The following PLSCR5 variants were observed in gnomAD, a reference collection of about 807,000 sequenced individuals.
PLSCR5 encodes phospholipid scramblase family member 5.
PLSCR5 carries 44 observed loss-of-function variants against 33.6 expected under a neutral mutation model. The ratio of observed to expected loss-of-function variants is 1.31; its 90% confidence interval spans 1.03 to 1.69. The LOEUF (loss-of-function observed/expected upper bound fraction) is 1.69, where lower values mean the gene tolerates loss of function less well. Ranked by LOEUF, PLSCR5 falls within the 40% of genes most tolerant of loss-of-function variation. The pLI, the probability that PLSCR5 is intolerant of heterozygous loss-of-function variation, is 0.00. For synonymous variants in PLSCR5, 148 were observed against 112.3 expected (o/e 1.32, Z -2.01); for missense variants, 375 against 318.7 (o/e 1.18, Z -1.34).
Position 146,595,036 on chromosome 3 carries a change from C to G in PLSCR5, c.232+5G>C, listed in dbSNP as rs1468569490. On this transcript the variant is annotated splice_donor_5th_base_variant and intron_variant, in intron 3 of 7. Transcript: ENST00000443512. ...ATAAATATGTAATATATATAATGCA[C>G]TTACTTCCAAGCAGCTCCACCTGCT... 2.8e-6 allele frequency: 4 copies of G among 1,420,356 alleles called. No homozygotes were observed. The highest frequency in any genetic ancestry group is 4.9e-5 in the Admixed American group (2 of 41,178). The allele number at this position is 1,420,356 out of a possible 1,614,324, so 88.0% of individuals were successfully genotyped here.
chr3:146,589,800 A>G lies in PLSCR5; in HGVS notation c.630T>C (p.Asn210=). ...AAATCTTCCCAATTGTAAGCTTTTC[A>G]TTAATGGTTTTCACCTTTAGAAAGA... ...GDVDFEVKTI[N]EKLTIGKISK... The change falls in exon 6 of 8, where the codon AAT becomes AAC. Residue 210 remains asparagine, a synonymous_variant. Coordinates refer to ENST00000443512, the MANE Select transcript of PLSCR5 (RefSeq NM_001085420.2). 1 of 1,546,076 alleles carries G rather than the reference A, an allele frequency of 6.5e-7. No homozygotes were observed. The highest frequency in any genetic ancestry group is 8.8e-7 in the Non-Finnish European group (1 of 1,133,082).
intron 1 of PLSCR5, among the ~76,000 whole-genome samples, chr3:146,600,738 G>A (rs1240253038): frequency 6.7e-6 from 1 of 150,370 alleles, no homozygotes; most frequent in Non-Finnish European, 1.5e-5. Context: ...ATGTGTATAT[G>A]TATCTGTATA....
downstream of PLSCR5, among the ~76,000 whole-genome samples, chr3:146,583,827 G>T (rs2044649127): frequency 6.6e-6 from 1 of 152,086 alleles, no homozygotes; most frequent in Admixed American, 6.5e-5. Context: ...AGTCTCCAAA[G>T]CAGTTTATCA....
chr3:146,595,244 A>G (rs1240763414), intron 2 of PLSCR5, among the ~76,000 whole-genome samples, 161 bp from the exon 3 acceptor site: 1 of 151,294 alleles, frequency 6.6e-6, no homozygotes, highest in African/African-American at 2.5e-5. Context: ...TACAATGCAA[A>G]AGAACGTAAT....
Position 146,593,979 on chromosome 3 carries a change from T to A in PLSCR5, c.394A>T (p.Ile132Phe), listed in dbSNP as rs369837994. The A allele has an allele frequency of 2.4e-5, 39 of 1,613,748 alleles. No individual in the cohort carries two copies. The highest frequency in any genetic ancestry group is 3.2e-5 in the Non-Finnish European group (38 of 1,179,818). Reference protein sequence around the residue: ...RITDNSGREVITVNRPLRCNS... With the variant: ...RITDNSGREVFTVNRPLRCNS... ...CATCTCAAGGGCCTGTTCACTGTAA[T>A]GACCTCTCGACCTGAGTTATCTGTG... Residue 132 changes from isoleucine to phenylalanine, a missense_variant, in exon 4 of 8, where the codon ATT becomes TTT. Physicochemically the swap from Ile to Phe is conservative, Grantham distance 21. Coordinates refer to ENST00000443512, the MANE Select transcript of PLSCR5 (RefSeq NM_001085420.2).
At chr3:146,594,709 C>T (rs62275363) in intron 3 of PLSCR5, among the ~76,000 whole-genome samples, 1 of 152,062 alleles carries the variant, frequency 6.6e-6, no homozygotes, top group Non-Finnish European at 1.5e-5. Context: ...AAAACCTTGA[C>T]TTCCATTTTT....
chr3:146,586,009 T>C (rs2044662994), intron 7 of PLSCR5, 21 bp downstream of exon 7: 9 of 1,417,062 alleles, frequency 6.4e-6, no homozygotes, highest in Non-Finnish European at 8.4e-6. Context: ...AAGAGATCAT[T>C]TAAACTTGCT....
rs1293996093 is a variant in PLSCR5 at position 146,586,128 on chromosome 3, C to T, written c.778-16G>A. 6.8e-7 allele frequency: 1 copy of T among 1,470,186 alleles called. No individual in the cohort carries two copies. The allele number at this position is 1,470,186 out of a possible 1,614,324, so 91.1% of individuals were successfully genotyped here. On this transcript the variant is annotated splice_polypyrimidine_tract_variant and intron_variant, in intron 6 of 7. Transcript: ENST00000443512. ...ACATAAAATCCTACAAATAAGTAAA[C>T]TGAATATAAGTGAATTTACAAAAAG... is the stretch of plus-strand genomic sequence containing the variant.
chr3:146,591,851 C>A lies in PLSCR5; in HGVS notation c.484G>T (p.Val162Phe), dbSNP rs2044718681. The A allele has an allele frequency of 6.2e-7, 1 of 1,610,918 alleles. No individual in the cohort carries two copies. Among genetic ancestry groups the A allele is most frequent in the African/African-American group, 1.3e-5 (1 of 74,792 alleles). The change falls in exon 5 of 8, where the codon GTT (valine) becomes TTT (phenylalanine). Residue 162 changes from valine (V) to phenylalanine (F), a missense_variant. Coordinates refer to ENST00000443512, the MANE Select transcript of PLSCR5 (RefSeq NM_001085420.2). The part of the protein sequence containing the change: ...LEIQAPPGTI[V>F]GYVTQKWDPF... ...TCCCACTTCTGCGTAACGTAACCAA[C>A]TATAGTACCAGGAGGGGCTTGGATT... is the stretch of plus-strand genomic sequence containing the variant.
Position 146,600,442 on chromosome 3 carries a change from C to T in PLSCR5, c.35G>A (p.Gly12Asp), listed in dbSNP as rs867143321. Residue 12 changes from glycine (G) to aspartate (D), a missense_variant, in exon 2 of 8, where the codon GGT becomes GAT. Coordinates refer to ENST00000443512, the MANE Select transcript of PLSCR5 (RefSeq NM_001085420.2). ...ASKDAQNQRR[G>D]LPGFLPGAPD... ...AGCTCCAGGAAGAAAACCAGGCAGA[C>T]CTCTTCTTTGGTTCTGGGCATCTGC... 2 of 1,597,882 alleles carry T rather than the reference C, an allele frequency of 1.3e-6. No homozygotes were observed. The highest frequency in any genetic ancestry group is 1.7e-6 in the Non-Finnish European group (2 of 1,170,356).
chr3:146,590,810 T>C (rs933464621), intron 5 of PLSCR5, among the ~76,000 whole-genome samples: 3 of 152,002 alleles, frequency 2.0e-5, no homozygotes, highest in Non-Finnish European at 2.9e-5. Flanking sequence ...CTAAATGCCC[T>C]TGCTGAGATA....
At chr3:146,588,910 T>C (rs1272726860) in intron 6 of PLSCR5, among the ~76,000 whole-genome samples, 1 of 152,158 alleles carries the variant, frequency 6.6e-6, no homozygotes, top group Non-Finnish European at 1.5e-5. Context: ...TACACATCTT[T>C]TTCATGTATT....
At chr3:146,583,610 T>C (rs1294348853), downstream of PLSCR5, among the ~76,000 whole-genome samples, 1 of 152,164 alleles carries the variant, frequency 6.6e-6, no homozygotes, top group African/African-American at 2.4e-5. Flanking sequence ...TTACCTTTAA[T>C]AAGAAAGGAG....
intron 1 of PLSCR5, among the ~76,000 whole-genome samples, 162 bp downstream of exon 1, chr3:146,605,038 C>T (rs920722685): frequency 6.6e-6 from 1 of 151,988 alleles, no homozygotes; most frequent in African/African-American, 2.4e-5. Flanking sequence ...TTACATGTAA[C>T]TCAACATGCT....
At chr3:146,585,381 T>C (rs1412701718), downstream of PLSCR5, among the ~76,000 whole-genome samples, 1 of 152,044 alleles carries the variant, frequency 6.6e-6, no homozygotes, top group East Asian at 1.9e-4. Context: ...CTGGCATGAG[T>C]AGGTATTTAA....
At position 146,585,970 on chromosome 3, in the gene PLSCR5, A is replaced by T. The variant is rs913540275; in HGVS notation, c.*45-28T>A. 76 of 1,189,326 alleles carry T rather than the reference A, an allele frequency of 6.4e-5. No homozygotes were observed. The South Asian group carries it at 1.2e-3, about 19-fold the overall frequency. 73.7% of individuals were successfully genotyped at this position (1,189,326 alleles called of 1,614,324 possible). Reference sequence around the variant, plus strand: ...AGAAGAAAATGAAAAAGAGTTAGATAGCGTCAAATATAGACATCTTCAAAG... The same window carrying T: ...AGAAGAAAATGAAAAAGAGTTAGATTGCGTCAAATATAGACATCTTCAAAG... On this transcript the variant is annotated intron_variant, in intron 7 of 7. Transcript: ENST00000443512.
chr3:146,593,331 T>G (rs1316106505), intron 4 of PLSCR5, among the ~76,000 whole-genome samples: 2 of 152,190 alleles, frequency 1.3e-5, no homozygotes, highest in Non-Finnish European at 2.9e-5. Context: ...AAGTTCTGTG[T>G]CAATTTAACT....
chr3:146,597,529 T>A (rs1055523982), intron 2 of PLSCR5, among the ~76,000 whole-genome samples: 1 of 152,184 alleles, frequency 6.6e-6, no homozygotes, highest in African/African-American at 2.4e-5. Flanking sequence ...CTCCCCATCC[T>A]CTGTAATAAC....
At chr3:146,583,340 G>A (rs1047242576), downstream of PLSCR5, among the ~76,000 whole-genome samples, 3 of 152,208 alleles carry the variant, frequency 2.0e-5, no homozygotes, top group African/African-American at 7.2e-5. Flanking sequence ...GAATGAATGA[G>A]AGTTGTGTGA....
Sources: gnomAD v4.1 joint callset for allele counts (sites outside exome capture counted in the v4.1 genomes callset) on GRCh38, gnomAD v4.1.1 for gene constraint, MANE v1.5 for transcripts, NCBI Gene and HGNC (gene_info 2026-07-23, HGNC 2026-07-21) for gene names.